ATRNL1: variants seen among roughly 807,000 people sequenced by gnomAD.
ATRNL1 encodes attractin like 1.
In ATRNL1, 95 loss-of-function variants were observed where a neutral mutation model predicts 182.7. The ratio of observed to expected loss-of-function variants is 0.52; its 90% CI spans 0.44 to 0.62. The LOEUF (loss-of-function observed/expected upper bound fraction) is 0.62, where lower values mean the gene tolerates loss of function less well. Ranked by LOEUF, ATRNL1 falls within the 20% of genes least tolerant of loss-of-function variation. ATRNL1 has a pLI of 0.00. For missense variants in ATRNL1, 1,471 were observed against 1,679.5 expected (o/e 0.88, Z 2.17); for synonymous variants, 576 against 568.3 (o/e 1.01, Z -0.19).
intron 19 of ATRNL1, among the ~76,000 whole-genome samples, chr10:115,368,216 A>G (rs1857172016): frequency 6.6e-6 from 1 of 152,222 alleles, no homozygotes; most frequent in Non-Finnish European, 1.5e-5. Context: ...GGTGCGGGAT[A>G]TAATCTCGCG....
chr10:115,804,611 T>C (rs545283100), intron 27 of ATRNL1, among the ~76,000 whole-genome samples: 2 of 152,290 alleles, frequency 1.3e-5, no homozygotes, highest in African/African-American at 4.8e-5. Flanking sequence ...ACGTTTGTTG[T>C]TTAAGCCGCC....
intron 25 of ATRNL1, among the ~76,000 whole-genome samples, chr10:115,527,144 G>A (rs1851262301): frequency 6.6e-6 from 1 of 150,576 alleles, no homozygotes. Flanking sequence ...CCCCGAGATA[G>A]GGTCTCACTC....
intron 28 of ATRNL1, among the ~76,000 whole-genome samples, chr10:115,888,582 G>A (rs1048919826): frequency 1.1e-4 from 17 of 152,244 alleles, no homozygotes; most frequent in Non-Finnish European, 1.5e-4. Context: ...TCTTCCTGGC[G>A]GAAGTCCTCT....
At chr10:115,301,212 A>G (rs1554924359) in intron 16 of ATRNL1, among the ~76,000 whole-genome samples, 1 of 152,112 alleles carries the variant, frequency 6.6e-6, no homozygotes, top group African/African-American at 2.4e-5. Flanking sequence ...TGGGTGTATG[A>G]ATAACTGTTC....
Position 115,555,053 on chromosome 10 carries a change from G to A in ATRNL1, c.3795+5517G>A, listed in dbSNP as rs570761636. Among the ~76,000 whole-genome samples, 6 of 151,764 alleles carry A rather than the reference G, an allele frequency of 4.0e-5. No individual in the cohort carries two copies. In the South Asian group the frequency reaches 1.2e-3, roughly 32 times the overall value. On this transcript the variant is annotated intron_variant, in intron 26 of 28. Coordinates refer to ENST00000355044, the MANE Select transcript of ATRNL1 (RefSeq NM_207303.4). ...TGTATATGTGTTTTTATGCTAAAAA[G>A]TTCATTTTTTATCTAAAATGCAAAC... is the stretch of plus-strand genomic sequence containing the variant.
At chr10:115,724,811 G>A (rs567247961) in intron 26 of ATRNL1, among the ~76,000 whole-genome samples, 8 of 152,074 alleles carry the variant, frequency 5.3e-5, no homozygotes, top group Admixed American at 2.6e-4. Context: ...AGGGGAGGAG[G>A]GCAGAAATTA....
intron 8 of ATRNL1, among the ~76,000 whole-genome samples, chr10:115,213,195 T>A (rs1413602002): frequency 6.6e-6 from 1 of 152,070 alleles, no homozygotes; most frequent in Non-Finnish European, 1.5e-5. Flanking sequence ...ACATTTTGGG[T>A]TTCATAGTGG....
chr10:115,299,455 T>G (rs1484380674), intron 15 of ATRNL1, among the ~76,000 whole-genome samples: 5 of 152,082 alleles, frequency 3.3e-5, no homozygotes, highest in African/African-American at 1.2e-4. Flanking sequence ...CATAAATTTA[T>G]CCAAAAATCA....
At chr10:115,877,176 A>G (rs142415388) in intron 28 of ATRNL1, among the ~76,000 whole-genome samples, 258 of 152,358 alleles carry the variant, frequency 1.7e-3, no homozygotes, top group Non-Finnish European at 3.1e-3. Context: ...ATCTGATTGA[A>G]GCTAGGATGC....
At chr10:115,735,140 C>G (rs1555065035) in intron 27 of ATRNL1, among the ~76,000 whole-genome samples, 1 of 152,112 alleles carries the variant, frequency 6.6e-6, no homozygotes, top group Admixed American at 6.6e-5. Context: ...AGTTGTTCTT[C>G]GCCTTCAGAG....
chr10:115,257,535 A>G (rs2089346533), intron 10 of ATRNL1, among the ~76,000 whole-genome samples: 1 of 152,064 alleles, frequency 6.6e-6, no homozygotes, highest in Admixed American at 6.6e-5. Flanking sequence ...TGCACGTGAG[A>G]TGTGTCTCCT....
intron 4 of ATRNL1, chr10:115,128,429 G>T (rs1554874143): frequency 2.5e-6 from 2 of 791,494 alleles, no homozygotes; most frequent in Non-Finnish European, 3.1e-6. Context: ...GGTAACCAGA[G>T]AATTTTTCAC....
intron 15 of ATRNL1, among the ~76,000 whole-genome samples, chr10:115,294,119 A>G (rs899656271): frequency 2.8e-4 from 43 of 152,316 alleles, no homozygotes; most frequent in African/African-American, 1.0e-3. Flanking sequence ...TGTTTCTTGT[A>G]AATGCTGTAG....
intron 25 of ATRNL1, among the ~76,000 whole-genome samples, chr10:115,541,511 C>A (rs965299631): frequency 5.3e-5 from 8 of 152,126 alleles, no homozygotes; most frequent in Non-Finnish European, 2.9e-5. Flanking sequence ...GTTGAATTTA[C>A]ATATACTCTG....
chr10:115,154,692 T>G (rs1470353383), intron 5 of ATRNL1, among the ~76,000 whole-genome samples: 1 of 152,196 alleles, frequency 6.6e-6, no homozygotes, highest in Non-Finnish European at 1.5e-5. Flanking sequence ...GTTCTGTAAA[T>G]GTCTGCTAGG....
chr10:115,773,343 A>G (rs1555076951), intron 27 of ATRNL1, among the ~76,000 whole-genome samples: 1 of 152,186 alleles, frequency 6.6e-6, no homozygotes, highest in Non-Finnish European at 1.5e-5. Context: ...ATCTTCCTAC[A>G]TGAAGTTATT....
At chr10:115,647,131 CATCCTTTTT>C (rs1470245736) in intron 26 of ATRNL1, among the ~76,000 whole-genome samples, 3 of 152,060 alleles carry the variant, frequency 2.0e-5, no homozygotes, top group Non-Finnish European at 4.4e-5. Flanking sequence ...GACATGAACT[CATCCTTTTT>C]ATGGCTGCGT....
intron 28 of ATRNL1, among the ~76,000 whole-genome samples, chr10:115,926,856 A>G (rs529016516): frequency 3.1e-4 from 47 of 152,254 alleles, no homozygotes; most frequent in South Asian, 6.2e-4. Flanking sequence ...AGAAGATACC[A>G]TTCCTTCTGA....
chr10:115,310,812 T>G (rs1554927545), intron 17 of ATRNL1, among the ~76,000 whole-genome samples: 1 of 152,224 alleles, frequency 6.6e-6, no homozygotes, highest in Non-Finnish European at 1.5e-5. Context: ...TGCTTTCAAT[T>G]TTATTTAGTT....
Sources: gnomAD v4.1 joint callset for allele counts (sites outside exome capture counted in the v4.1 genomes callset) on GRCh38, gnomAD v4.1.1 for gene constraint, MANE v1.5 for transcripts, NCBI Gene and HGNC (gene_info 2026-07-23, HGNC 2026-07-21) for gene names.